The following KIRREL3 variants were observed in gnomAD, a reference collection of about 807,000 sequenced individuals.
KIRREL3 encodes kin of IRRE-like protein 3.
A neutral mutation model predicts 89.7 loss-of-function variants in KIRREL3; 36 were observed. The ratio of observed to expected loss-of-function variants is 0.40; its 90% CI spans 0.31 to 0.53. The LOEUF (loss-of-function observed/expected upper bound fraction) is 0.53. Ranked by LOEUF, KIRREL3 falls within the 20% of genes least tolerant of loss-of-function variation. The probability of loss-of-function intolerance (pLI) is 0.49; values close to 1 mark genes in which losing one functional copy is unlikely to be tolerated. For synonymous variants in KIRREL3, 445 were observed against 441.4 expected (o/e 1.01, Z -0.10); for missense variants, 864 against 1,056.6 (o/e 0.82, Z 2.53).
intron 6 of KIRREL3, among the ~76,000 whole-genome samples, chr11:126,461,973 G>A (rs1956561393): frequency 6.6e-6 from 1 of 152,214 alleles, no homozygotes; most frequent in Non-Finnish European, 1.5e-5. Context: ...GCGGCAGGGA[G>A]GGGATCTCAG....
At position 126,906,285 on chromosome 11, in the gene KIRREL3, C is replaced by T. The variant is rs188940435; in HGVS notation, c.55+94170G>A. ...CCCAGTCTCGGAAATCCAAACCTCA[C>T]GCCTTGTGTGACTGATGAGCCACTT... On this transcript the variant is annotated intron_variant, in intron 1 of 16. Transcript: ENST00000525144. The surrounding 1 kb of genome is among the most constrained non-coding windows in gnomAD (Gnocchi z 4.1). 5.9e-3 allele frequency among the ~76,000 whole-genome samples: 897 copies of T among 152,302 alleles called. 5 individuals are homozygous for T. The highest frequency in any genetic ancestry group is 8.6e-3 in the Non-Finnish European group (584 of 68,036).
chr11:126,857,073 G>A (rs1661444435), intron 1 of KIRREL3, among the ~76,000 whole-genome samples: 1 of 152,238 alleles, frequency 6.6e-6, no homozygotes, highest in Non-Finnish European at 1.5e-5. Context: ...GAGAGCATCT[G>A]CATTTGAGGC....
intron 1 of KIRREL3, among the ~76,000 whole-genome samples, chr11:126,616,994 A>C (rs577838845): frequency 6.6e-6 from 1 of 152,384 alleles, no homozygotes; most frequent in East Asian, 1.9e-4. Context: ...AGTCTTACTT[A>C]AACATGACTT....
At position 126,579,348 on chromosome 11, in the gene KIRREL3, G is replaced by A. The variant is rs1337566705; in HGVS notation, c.56-16436C>T. 6.6e-6 allele frequency among the ~76,000 whole-genome samples: 1 copy of A among 152,078 alleles called. No individual in the cohort carries two copies. The highest frequency in any genetic ancestry group is 1.5e-5 in the Non-Finnish European group (1 of 68,008). Reference sequence around the variant, plus strand: ...CTGCTCTGTCAGTTATGACTTCCTCGGGTACCTGAGACTGTAGCTCCTCAT... The same window carrying A: ...CTGCTCTGTCAGTTATGACTTCCTCAGGTACCTGAGACTGTAGCTCCTCAT... On this transcript the variant is annotated intron_variant, in intron 1 of 16. Coordinates refer to ENST00000525144, the MANE Select transcript of KIRREL3 (RefSeq NM_032531.4). The surrounding 1 kb of genome is among the most constrained non-coding windows in gnomAD (Gnocchi z 5.3).
chr11:126,468,820 T>C (rs2134269837), intron 5 of KIRREL3, among the ~76,000 whole-genome samples: 1 of 152,320 alleles, frequency 6.6e-6, no homozygotes, highest in East Asian at 1.9e-4. Context: ...CCGTGATCAT[T>C]ATCACTGCAT....
At chr11:126,488,684 T>A (rs1182695634) in intron 4 of KIRREL3, among the ~76,000 whole-genome samples, 1 of 152,226 alleles carries the variant, frequency 6.6e-6, no homozygotes, top group African/African-American at 2.4e-5. Flanking sequence ...CTCCGTGAGC[T>A]GGAGCCCACA....
At chr11:126,448,068 C>T (rs1165544886) in intron 8 of KIRREL3, among the ~76,000 whole-genome samples, 6 of 151,902 alleles carry the variant, frequency 3.9e-5, no homozygotes, top group Non-Finnish European at 7.4e-5. Context: ...GGGTAGATCA[C>T]GAGGTCAGGA....
Position 126,995,082 on chromosome 11 carries a change from T to A in KIRREL3, c.55+5373A>T. 1 of 408,138 alleles carries A rather than the reference T, an allele frequency of 2.5e-6. No individual in the cohort carries two copies. Among genetic ancestry groups the A allele is most frequent in the Non-Finnish European group, 4.9e-6 (1 of 205,328 alleles). The allele number at this position is 408,138 out of a possible 1,614,324, so 25.3% of individuals were successfully genotyped here. ...ATCCCACTCTACTTGGAATACAGGA[T>A]GAAGCGATTACAACCTGGGCGCAGT... On this transcript the variant is annotated intron_variant, in intron 1 of 16. Transcript: ENST00000525144. The surrounding 1 kb of genome is among the most constrained non-coding windows in gnomAD (Gnocchi z 6.5).
rs61123224 is a variant in KIRREL3 at position 126,445,988 on chromosome 11, A to C, written c.1125+771T>G. Among the ~76,000 whole-genome samples the C allele has an allele frequency of 7.1e-3, 1,075 of 152,224 alleles. 16 individuals are homozygous for C. Among genetic ancestry groups the C allele is most frequent in the African/African-American group, 0.023 (969 of 41,514 alleles). ...ACATGGAGAAACCCTGTCTCTACTAAAAATACAAAATTAGCTGGGCGTGGT... is the reference window on the plus strand; with the variant it reads ...ACATGGAGAAACCCTGTCTCTACTACAAATACAAAATTAGCTGGGCGTGGT... On this transcript the variant is annotated intron_variant, in intron 9 of 16. Transcript: ENST00000525144.
At chr11:126,942,830 T>C (rs1948498449) in intron 1 of KIRREL3, among the ~76,000 whole-genome samples, 1 of 152,192 alleles carries the variant, frequency 6.6e-6, no homozygotes, top group Non-Finnish European at 1.5e-5. Context: ...GGATTTCTGC[T>C]TTCCATGCAA....
intron 1 of KIRREL3, among the ~76,000 whole-genome samples, chr11:126,854,108 C>T (rs1944429086): frequency 6.8e-6 from 1 of 147,748 alleles, no homozygotes; most frequent in East Asian, 2.0e-4. Flanking sequence ...GGCCTAAACT[C>T]TTCCAGTAAT....
chr11:126,580,222 G>C (rs1261142767), intron 1 of KIRREL3, among the ~76,000 whole-genome samples: 3 of 152,164 alleles, frequency 2.0e-5, no homozygotes, highest in Non-Finnish European at 2.9e-5. Flanking sequence ...TTGCTGGAGA[G>C]GCCAGTTACG....
At chr11:126,472,703 G>GAGAGAGAGAGAGAGAGAGAGA (rs1555116256) in intron 5 of KIRREL3, among the ~76,000 whole-genome samples, 1 of 134,146 alleles carries the variant, frequency 7.5e-6, no homozygotes, top group African/African-American at 2.8e-5. Context: ...AGGACATAGA[G>GAGAGAGAGAGAGAGAGAGAGA]GAGAGAGAGA....
At chr11:126,882,049 A>G (rs1329286449) in intron 1 of KIRREL3, among the ~76,000 whole-genome samples, 1 of 152,058 alleles carries the variant, frequency 6.6e-6, no homozygotes, top group African/African-American at 2.4e-5. Context: ...TAGGCCCCTG[A>G]TTGGTCAGGT....
In KIRREL3 at chr11:126,627,107, G is replaced by A. The variant is rs1943825130; in HGVS notation, c.56-64195C>T. Among the ~76,000 whole-genome samples, 1 of 152,132 alleles carries A rather than the reference G, an allele frequency of 6.6e-6. No individual in the cohort carries two copies. Among genetic ancestry groups the A allele is most frequent in the Non-Finnish European group, 1.5e-5 (1 of 68,032 alleles). On this transcript the variant is annotated intron_variant, in intron 1 of 16. Transcript: ENST00000525144. This position sits in a 1 kb window ranked among gnomAD's most constrained non-coding sequence, Gnocchi z 5.0. ...TATGTGTGTGTGAAGGAATGAGGCA[G>A]AGCTCTATAAAGGCAGTACTAGAGT...
intron 1 of KIRREL3, among the ~76,000 whole-genome samples, chr11:126,815,659 G>A (rs1951543312): frequency 6.6e-6 from 1 of 151,968 alleles, no homozygotes; most frequent in Non-Finnish European, 1.5e-5. Context: ...TCAGCCTCCC[G>A]AGTAGCTGGG....
rs59392843 is a variant in KIRREL3, at chr11:126,552,550, GT to G, written c.133+10284del. 5.2e-3 allele frequency among the ~76,000 whole-genome samples: 423 copies of G among 81,652 alleles called. 2 individuals are homozygous for G. Among genetic ancestry groups the G allele is most frequent in the Non-Finnish European group, 7.2e-3 (308 of 42,914 alleles). 53.6% of individuals were successfully genotyped at this position (81,652 alleles called of 152,430 possible). A position where few individuals can be genotyped will look rare whatever the true frequency, so the allele number is the denominator to read the frequency against. ...TGCATCACACAGGGGAGAGAGAAAA[GT>G]TTTTTTTTTTTTTTTTTTTTTTTTT... On this transcript the variant is annotated intron_variant, in intron 2 of 16. Coordinates refer to ENST00000525144, the MANE Select transcript of KIRREL3 (RefSeq NM_032531.4).
rs546664259 is a variant in KIRREL3 at position 126,608,174 on chromosome 11, G to C, written c.56-45262C>G. 6.6e-6 allele frequency among the ~76,000 whole-genome samples: 1 copy of C among 152,136 alleles called. No homozygotes were observed. Among genetic ancestry groups the C allele is most frequent in the Non-Finnish European group, 1.5e-5 (1 of 68,022 alleles). ...CAGGAATGCAGCTGGAGGTGGGGGC[G>C]GGCCATGGTGGGCCAGGACAGGTGG... On this transcript the variant is annotated intron_variant, in intron 1 of 16. Coordinates refer to ENST00000525144, the MANE Select transcript of KIRREL3 (RefSeq NM_032531.4). This position sits in a 1 kb window ranked among gnomAD's most constrained non-coding sequence, Gnocchi z 4.9.
At position 126,454,138 on chromosome 11, in the gene KIRREL3, C is replaced by T. The variant is rs116417234; in HGVS notation, c.848+2211G>A. On this transcript the variant is annotated intron_variant, in intron 7 of 16. Transcript: ENST00000525144. This position sits in a 1 kb window ranked among gnomAD's most constrained non-coding sequence, Gnocchi z 5.8. ...TTAACATTTTCTCACGCGTGCTTTGCGGAGACCTCTCCTCTCCTCCCACCT... is the reference window on the plus strand; with the variant it reads ...TTAACATTTTCTCACGCGTGCTTTGTGGAGACCTCTCCTCTCCTCCCACCT... Among the ~76,000 whole-genome samples the T allele has an allele frequency of 0.047, 7,177 of 151,810 alleles. 185 individuals carry two copies. The highest frequency in any genetic ancestry group is 0.11 in the Middle Eastern group (31 of 292).
Sources: gnomAD v4.1 joint callset for allele counts (sites outside exome capture counted in the v4.1 genomes callset) on GRCh38, gnomAD v4.1.1 for gene constraint, Gnocchi (gnomAD v3.1) non-coding constraint, MANE v1.5 for transcripts, NCBI Gene and HGNC (gene_info 2026-07-23, HGNC 2026-07-21) for gene names.